Variants in RBFOX1 observed in about 807,000 individuals in gnomAD.
RBFOX1 encodes RNA binding fox-1 homolog 1, also known as RNA binding protein fox-1 homolog 1.
Under a neutral mutation model 57.7 loss-of-function variants are expected in RBFOX1, and 8 were observed. The ratio of observed to expected loss-of-function variants is 0.14; its 90% CI spans 0.08 to 0.25. The LOEUF is 0.25. RBFOX1 is among the 10% of genes least tolerant of loss of function. RBFOX1 has a pLI of 1.00. For missense variants in RBFOX1, 611 were observed against 548.5 expected, an observed-to-expected ratio of 1.11 and a Z score of -1.14; for synonymous variants, 326 against 222.4, an observed-to-expected ratio of 1.47 and a Z score of -4.15.
intron 2 of RBFOX1, among the ~76,000 whole-genome samples, chr16:6,322,213 C>T (rs1282010797): frequency 6.6e-6 from 1 of 152,170 alleles, no homozygotes; most frequent in African/African-American, 2.4e-5. Flanking sequence ...GTCTTCATAC[C>T]TAAAGCCACC....
intron 1 of RBFOX1, among the ~76,000 whole-genome samples, chr16:5,394,565 CTTTT>C (rs35758196): frequency 3.9e-4 from 52 of 134,250 alleles, no homozygotes; most frequent in Non-Finnish European, 6.2e-4. Flanking sequence ...TTCTTTCTGT[CTTTT>C]TTTTTTTTTT....
At chr16:7,306,134 C>T (rs1274803393) in intron 4 of RBFOX1, among the ~76,000 whole-genome samples, 5 of 152,074 alleles carry the variant, frequency 3.3e-5, no homozygotes, top group South Asian at 2.1e-4. Context: ...TATAGGTACT[C>T]AATGTTCTCC....
intron 1 of RBFOX1, among the ~76,000 whole-genome samples, chr16:6,283,202 C>T (rs2076572111): frequency 1.3e-5 from 2 of 152,220 alleles, no homozygotes; most frequent in South Asian, 4.1e-4. Flanking sequence ...TGACTGAGGC[C>T]TGTATTCCCA....
At chr16:5,776,136 TACA>T (rs1201928366) in intron 3 of RBFOX1, among the ~76,000 whole-genome samples, 3 of 152,248 alleles carry the variant, frequency 2.0e-5, no homozygotes, top group African/African-American at 7.2e-5. Flanking sequence ...CCCTTGGCAT[TACA>T]ACGTTCTTGG....
At chr16:7,102,350 G>A (rs918551360) in intron 4 of RBFOX1, among the ~76,000 whole-genome samples, 5 of 152,198 alleles carry the variant, frequency 3.3e-5, no homozygotes, top group African/African-American at 1.2e-4. Context: ...CAGAGCCTAA[G>A]TCTTACTGAG....
intron 10 of RBFOX1, among the ~76,000 whole-genome samples, chr16:7,621,351 C>A (rs753934203): frequency 6.6e-6 from 1 of 151,992 alleles, no homozygotes; most frequent in African/African-American, 2.4e-5. Flanking sequence ...ACCTCTGCCT[C>A]GCGGGTTCAA....
chr16:6,823,382 A>G (rs2091645713), intron 3 of RBFOX1, among the ~76,000 whole-genome samples: 1 of 151,862 alleles, frequency 6.6e-6, no homozygotes, highest in East Asian at 1.9e-4. Flanking sequence ...TCAGCCTCCC[A>G]AGTAGCTAGT....
At chr16:6,079,005 A>T (rs546923478) in intron 1 of RBFOX1, among the ~76,000 whole-genome samples, 1 of 152,294 alleles carries the variant, frequency 6.6e-6, no homozygotes, top group African/African-American at 2.4e-5. Flanking sequence ...TTAATGAACT[A>T]GTGTAAAAGT....
At chr16:5,979,436 T>C (rs925725333) in intron 4 of RBFOX1, among the ~76,000 whole-genome samples, 2 of 152,252 alleles carry the variant, frequency 1.3e-5, no homozygotes, top group African/African-American at 4.8e-5. Flanking sequence ...TCAATGTGAT[T>C]AGTGACTGTT....
chr16:5,266,755 C>A (rs1028541793), intron 1 of RBFOX1, among the ~76,000 whole-genome samples: 4 of 151,716 alleles, frequency 2.6e-5, no homozygotes, highest in Non-Finnish European at 5.9e-5. Flanking sequence ...GGGGGGGTCT[C>A]ACTATATTGC....
intron 4 of RBFOX1, among the ~76,000 whole-genome samples, chr16:7,406,285 G>C (rs529368669): frequency 2.0e-5 from 3 of 152,276 alleles, no homozygotes; most frequent in Admixed American, 2.0e-4. Context: ...CAAATACCTT[G>C]TTCATACGGT....
intron 4 of RBFOX1, among the ~76,000 whole-genome samples, chr16:7,230,262 TAAAC>T (rs915192474): frequency 7.9e-5 from 12 of 151,874 alleles, no homozygotes; most frequent in South Asian, 2.1e-4. Context: ...CCAAACAAAA[TAAAC>T]AAACAGAAAG....
intron 1 of RBFOX1, among the ~76,000 whole-genome samples, chr16:6,251,550 A>G (rs887747918): frequency 2.0e-5 from 3 of 152,026 alleles, no homozygotes; most frequent in African/African-American, 4.8e-5. Flanking sequence ...AGAAAAATAT[A>G]CTGCTTTGCT....
chr16:6,835,381 A>G (rs780744141), intron 3 of RBFOX1, among the ~76,000 whole-genome samples: 16 of 152,186 alleles, frequency 1.1e-4, no homozygotes, highest in Non-Finnish European at 1.8e-4. Flanking sequence ...AGGAAAAGAT[A>G]TAGGACCTGT....
At chr16:6,273,077 T>G (rs184795898) in intron 1 of RBFOX1, among the ~76,000 whole-genome samples, 1 of 152,034 alleles carries the variant, frequency 6.6e-6, no homozygotes. Context: ...CTGGCCAACA[T>G]GGTGAAACCC....
At chr16:7,359,938 C>T (rs746551185) in intron 4 of RBFOX1, among the ~76,000 whole-genome samples, 37 of 151,118 alleles carry the variant, frequency 2.4e-4, no homozygotes, top group Non-Finnish European at 4.7e-4. Context: ...GAGCCGAGAT[C>T]GCGCCACTGC....
intron 1 of RBFOX1, among the ~76,000 whole-genome samples, chr16:6,050,836 G>A (rs939627709): frequency 2.0e-5 from 3 of 151,504 alleles, no homozygotes; most frequent in Admixed American, 2.0e-4. Flanking sequence ...TCTAGTGACT[G>A]GAATTTTTGG....
chr16:6,977,937 G>GAAAAAAA lies in RBFOX1; in HGVS notation c.-15-74112_-15-74106dup, dbSNP rs1555705863. On this transcript the variant is annotated intron_variant, in intron 3 of 15. Transcript: ENST00000550418. ...AACTGCCTCTTCCAGCCTCCCCAGG[G>GAAAAAAA]AAAAAAAAAAAAAAGGCAAACCTCC... is the stretch of plus-strand genomic sequence containing the variant. Among the ~76,000 whole-genome samples the GAAAAAAA allele has an allele frequency of 3.9e-4, 31 of 79,462 alleles. 1 individual carries two copies. Among genetic ancestry groups the GAAAAAAA allele is most frequent in the Admixed American group, 1.2e-3 (10 of 8,354 alleles). The allele number at this position is 79,462 out of a possible 152,430, so 52.1% of individuals were successfully genotyped here.
At chr16:7,560,710 C>T (rs992414351) in intron 5 of RBFOX1, among the ~76,000 whole-genome samples, 12 of 152,054 alleles carry the variant, frequency 7.9e-5, no homozygotes, top group African/African-American at 2.9e-4. Flanking sequence ...TCATGTCTAC[C>T]ACCCAAGTCT....
Sources: allele counts gnomAD v4.1 joint callset (sites outside exome capture counted in the v4.1 genomes callset), GRCh38; gene constraint gnomAD v4.1.1; transcripts MANE v1.5; gene names NCBI Gene and HGNC (gene_info 2026-07-23, HGNC 2026-07-21).